The following CCDC57 variants were observed in gnomAD, a reference collection of about 807,000 sequenced individuals.
CCDC57 encodes coiled-coil domain-containing protein 57.
A neutral mutation model predicts 118.9 loss-of-function variants in CCDC57; 118 were observed. That is an observed-to-expected ratio of 0.99 (90% CI 0.86 to 1.16). CCDC57 has a LOEUF of 1.16. Ranked by LOEUF, CCDC57 falls within the 50% of genes most tolerant of loss-of-function variation. The pLI, the probability that CCDC57 is intolerant of heterozygous loss-of-function variation, is 0.00. For synonymous variants in CCDC57, 527 were observed against 532.9 expected (o/e 0.99, Z 0.15); for missense variants, 1,300 against 1,320.7 (o/e 0.98, Z 0.24).
intron 8 of CCDC57, 95 bp from the exon 8 acceptor site, chr17:82,184,027 GCGCGCA>G (rs756317225): frequency 0.014 from 4,732 of 327,280 alleles, 20 homozygotes; most frequent in African/African-American, 0.029. Flanking sequence ...GCGCGCGCGC[GCGCGCA>G]CACACACACA....
Position 82,118,422 on chromosome 17 carries a change from C to T in CCDC57, c.2899+9270G>A, listed in dbSNP as rs959293500. Among the ~76,000 whole-genome samples the T allele has an allele frequency of 2.0e-5, 3 of 152,154 alleles. No homozygotes were observed. The highest frequency in any genetic ancestry group is 4.4e-5 in the Non-Finnish European group (3 of 68,024). Reference sequence around the variant, plus strand: ...ATTAGCGCAGGATGCCCCACGCATCCGGAGATGGGGTTTGGAACATCCTTT... The same window carrying T: ...ATTAGCGCAGGATGCCCCACGCATCTGGAGATGGGGTTTGGAACATCCTTT... On this transcript the variant is annotated intron_variant, in intron 19 of 19. Transcript: ENST00000665763. The surrounding 1 kb of genome is among the most constrained non-coding windows in gnomAD (Gnocchi z 4.7).
At chr17:82,174,243 A>G (rs1011028437) in intron 11 of CCDC57, among the ~76,000 whole-genome samples, 1 of 152,214 alleles carries the variant, frequency 6.6e-6, no homozygotes, top group African/African-American at 2.4e-5. Context: ...GCTCCCTGGC[A>G]AGGCCAGCTG....
intron 19 of CCDC57, among the ~76,000 whole-genome samples, chr17:82,109,844 G>A (rs925038986): frequency 1.3e-5 from 2 of 151,458 alleles, no homozygotes; most frequent in Non-Finnish European, 2.9e-5. Flanking sequence ...GCGACAGAGT[G>A]AGACTCTGTC....
chr17:82,173,600 G>A (rs2045062216), intron 11 of CCDC57, among the ~76,000 whole-genome samples: 1 of 152,180 alleles, frequency 6.6e-6, no homozygotes, highest in South Asian at 2.1e-4. Context: ...GCTGAAAGCC[G>A]ACATCACAGA....
intron 19 of CCDC57, among the ~76,000 whole-genome samples, chr17:82,103,149 C>T (rs1335000677): frequency 6.6e-6 from 1 of 152,248 alleles, no homozygotes; most frequent in Non-Finnish European, 1.5e-5. Context: ...GCACTCTCAG[C>T]TGGGCTGCGC....
intron 3 of CCDC57, 74 bp from the exon 3 acceptor site, chr17:82,198,496 T>C: frequency 1.9e-6 from 2 of 1,045,150 alleles, no homozygotes; most frequent in South Asian, 2.8e-5. Flanking sequence ...CAAGGTGCAC[T>C]TGACATGTGA....
At chr17:82,152,747 C>T (rs1443834631) in intron 15 of CCDC57, among the ~76,000 whole-genome samples, 3 of 152,226 alleles carry the variant, frequency 2.0e-5, no homozygotes, top group African/African-American at 7.2e-5. Context: ...CAGGCCAGCA[C>T]ACCCTGTCCC....
chr17:82,198,241 C>T, intron 4 of CCDC57, 73 bp downstream of exon 3: 2 of 886,584 alleles, frequency 2.3e-6, no homozygotes, highest in Non-Finnish European at 3.6e-6. Context: ...TTTTCCTCAG[C>T]CCTATATGAT....
At chr17:82,111,716 C>T (rs1178104785) in intron 19 of CCDC57, among the ~76,000 whole-genome samples, 3 of 151,616 alleles carry the variant, frequency 2.0e-5, no homozygotes, top group Non-Finnish European at 2.9e-5. Context: ...AAGTGATTCT[C>T]GTGCCTCAGC....
chr17:82,110,277 G>A (rs1290468334), intron 19 of CCDC57, among the ~76,000 whole-genome samples: 2 of 151,938 alleles, frequency 1.3e-5, no homozygotes, highest in Non-Finnish European at 2.9e-5. Flanking sequence ...GCCATACCTG[G>A]CCAGAACTCT....
intron 19 of CCDC57, 54 bp from the exon 19 acceptor site, chr17:82,101,920 A>G (rs529808746): frequency 5.4e-6 from 8 of 1,481,808 alleles, no homozygotes; most frequent in African/African-American, 4.2e-5. Flanking sequence ...GGGGAGCAGG[A>G]GGCTGTGCTC....
chr17:82,147,684 A>G (rs1237388565), intron 16 of CCDC57, among the ~76,000 whole-genome samples: 6 of 97,928 alleles, frequency 6.1e-5, no homozygotes, highest in African/African-American at 1.6e-4. Flanking sequence ...TGAATGGATG[A>G]ATGGGTGGGT....
chr17:82,142,859 G>T (rs559545467), intron 16 of CCDC57, among the ~76,000 whole-genome samples: 13 of 152,026 alleles, frequency 8.6e-5, no homozygotes, highest in Admixed American at 5.9e-4. Context: ...CAAGTAGCTC[G>T]TGAAATAGAA....
At chr17:82,185,642 T>A (rs1006904799) in intron 8 of CCDC57, among the ~76,000 whole-genome samples, 2 of 150,150 alleles carry the variant, frequency 1.3e-5, no homozygotes, top group East Asian at 3.9e-4. Context: ...AAGAAAAAAA[T>A]GCTTTCCTGT....
At position 82,143,979 on chromosome 17, in the gene CCDC57, G is replaced by A. The variant is rs139810416; in HGVS notation, c.2455+7581C>T. Among the ~76,000 whole-genome samples the A allele has an allele frequency of 2.8e-3, 421 of 151,074 alleles. 3 individuals carry two copies. Among genetic ancestry groups the A allele is most frequent in the African/African-American group, 9.3e-3 (383 of 41,188 alleles). On this transcript the variant is annotated intron_variant, in intron 16 of 19. Coordinates refer to ENST00000665763, the Ensembl canonical transcript of CCDC57. ...AAAAAAAATTAGCTAGGCTGAACCC[G>A]GGAGGTGGAGTTTGCACTGGGCCAT...
chr17:82,156,575 G>A (rs1450323837), intron 15 of CCDC57: 2 of 152,308 alleles, frequency 1.3e-5, no homozygotes, highest in African/African-American at 4.8e-5. Context: ...TGGACTGGGA[G>A]CCCAGGAGGG....
At chr17:82,193,269 T>C (rs2047892177) in intron 7 of CCDC57, among the ~76,000 whole-genome samples, 1 of 151,230 alleles carries the variant, frequency 6.6e-6, no homozygotes, top group South Asian at 2.1e-4. Flanking sequence ...CAAGGCTGGG[T>C]GTGGCGGCTC....
chr17:82,102,305 G>A (rs757531896), intron 19 of CCDC57, among the ~76,000 whole-genome samples: 4 of 152,174 alleles, frequency 2.6e-5, no homozygotes, highest in Admixed American at 6.5e-5. Context: ...GCCTGCCCCC[G>A]CCTCCCCGAT....
At chr17:82,145,848 C>A in intron 16 of CCDC57, 1 of 462,444 alleles carries the variant, frequency 2.2e-6, no homozygotes, top group Non-Finnish European at 4.5e-6. Context: ...CCCACCATGT[C>A]ACCTGCTGGA....
Sources: allele counts gnomAD v4.1 joint callset (sites outside exome capture counted in the v4.1 genomes callset), GRCh38; gene constraint gnomAD v4.1.1; non-coding constraint Gnocchi (gnomAD v3.1); transcripts MANE v1.5; gene names NCBI Gene and HGNC (gene_info 2026-07-23, HGNC 2026-07-21).